Variants in RIN2 observed in about 807,000 individuals in gnomAD.
RIN2 encodes Ras and Rab interactor 2, also known as RAB5 interacting protein 2.
RIN2 carries 36 observed loss-of-function variants against 78.0 expected under a neutral mutation model. The observed-to-expected ratio is 0.46, with a 90% confidence interval of 0.35 to 0.61. The LOEUF is 0.61. Ranked by LOEUF, RIN2 falls within the 20% of genes least tolerant of loss-of-function variation. The pLI, the probability that RIN2 is intolerant of heterozygous loss-of-function variation, is 0.00. For synonymous variants in RIN2, 466 were observed against 466.8 expected, an observed-to-expected ratio of 1.00 and a Z score of 0.02; for missense variants, 1,087 against 1,159.7, an observed-to-expected ratio of 0.94 and a Z score of 0.91.
intron 4 of RIN2, chr20:19,935,684 T>C (rs1045097802): frequency 1.1e-5 from 10 of 918,376 alleles, no homozygotes; most frequent in African/African-American, 3.6e-5. Flanking sequence ...CTGGATGTGG[T>C]TGTAAATTCG....
intron 2 of RIN2, among the ~76,000 whole-genome samples, chr20:19,865,014 C>T (rs574639439): frequency 6.6e-6 from 1 of 152,184 alleles, no homozygotes; most frequent in African/African-American, 2.4e-5. Context: ...CCTGAAAAAC[C>T]TGAATTAGCT....
At chr20:19,768,235 GA>G (rs903111709) in intron 1 of RIN2, among the ~76,000 whole-genome samples, 15 of 152,246 alleles carry the variant, frequency 9.9e-5, no homozygotes, top group African/African-American at 3.4e-4. Context: ...CCTAGAAGCA[GA>G]CCCCGAGGTG....
At chr20:19,851,039 AAG>A (rs1568815004) in intron 2 of RIN2, among the ~76,000 whole-genome samples, 10 of 96,420 alleles carry the variant, frequency 1.0e-4, no homozygotes, top group African/African-American at 1.6e-4. Flanking sequence ...GGAAGGAAGG[AAG>A]GAAGGAAGGA....
chr20:19,830,193 T>C (rs1283598505), intron 2 of RIN2, among the ~76,000 whole-genome samples: 1 of 152,210 alleles, frequency 6.6e-6, no homozygotes, highest in Non-Finnish European at 1.5e-5. Flanking sequence ...ACCATTTGTT[T>C]TTTAGCCAAG....
intron 1 of RIN2, among the ~76,000 whole-genome samples, chr20:19,783,720 T>C (rs1026428367): frequency 6.6e-6 from 1 of 152,154 alleles, no homozygotes; most frequent in Non-Finnish European, 1.5e-5. Context: ...ATTTACCCCA[T>C]GGACAGCTAG....
intron 4 of RIN2, among the ~76,000 whole-genome samples, chr20:19,952,125 C>T (rs2041341146): frequency 6.6e-6 from 1 of 152,192 alleles, no homozygotes; most frequent in African/African-American, 2.4e-5. Flanking sequence ...GGGAGCTCAG[C>T]AGCGTGAATA....
intron 9 of RIN2, among the ~76,000 whole-genome samples, chr20:19,980,044 CAAA>C (rs56268489): frequency 1.1e-3 from 81 of 72,688 alleles, no homozygotes; most frequent in African/African-American, 4.1e-3. Context: ...AACTCCATCT[CAAA>C]AAAAAAAAAA....
At chr20:19,895,504 G>C (rs1475485311) in intron 3 of RIN2, among the ~76,000 whole-genome samples, 1 of 152,142 alleles carries the variant, frequency 6.6e-6, no homozygotes, top group Admixed American at 6.5e-5. Context: ...GGTGAGAGTT[G>C]AGAGTTGCTC....
At chr20:19,960,958 G>C in intron 6 of RIN2, 147 bp downstream of exon 6, 1 of 604,054 alleles carries the variant, frequency 1.7e-6, no homozygotes. Context: ...CCTACTCCAG[G>C]AGCCTCAGTT....
At chr20:19,907,373 G>A (rs1340954874) in intron 3 of RIN2, among the ~76,000 whole-genome samples, 2 of 152,190 alleles carry the variant, frequency 1.3e-5, no homozygotes, top group Non-Finnish European at 2.9e-5. Context: ...GTCTTGTGGA[G>A]GGGAGAGGCA....
chr20:19,891,647 C>T (rs1420516889), intron 3 of RIN2, among the ~76,000 whole-genome samples: 2 of 152,126 alleles, frequency 1.3e-5, no homozygotes, highest in African/African-American at 4.8e-5. Context: ...GGCGAAACCC[C>T]ATCTCTACTA....
Position 19,840,105 on chromosome 20 carries a change from T to C in RIN2, c.-37+40358T>C, listed in dbSNP as rs548438676. Reference sequence around the variant, plus strand: ...TCCAGCTTTATTGTATTCCCTACAATGAGTAGTTATTATTTCTATAATCAA... The same window carrying C: ...TCCAGCTTTATTGTATTCCCTACAACGAGTAGTTATTATTTCTATAATCAA... On this transcript the variant is annotated intron_variant, in intron 2 of 12. Coordinates refer to ENST00000255006, the MANE Select transcript of RIN2 (RefSeq NM_018993.4). Among the ~76,000 whole-genome samples, 13 of 152,354 alleles carry C rather than the reference T, an allele frequency of 8.5e-5. No individual in the cohort carries two copies. The East Asian group carries it at 2.5e-3, about 29-fold the overall frequency.
intron 2 of RIN2, among the ~76,000 whole-genome samples, chr20:19,830,862 A>G (rs920400428): frequency 6.6e-6 from 1 of 152,226 alleles, no homozygotes; most frequent in African/African-American, 2.4e-5. Flanking sequence ...GCGATGACTG[A>G]TGCTGGTGGG....
chr20:19,767,561 C>A (rs1164791969), intron 1 of RIN2, among the ~76,000 whole-genome samples: 1 of 152,124 alleles, frequency 6.6e-6, no homozygotes, highest in Non-Finnish European at 1.5e-5. Flanking sequence ...ATGACTTTTG[C>A]TTCTGAGGCC....
At chr20:19,967,296 G>T (rs1600980104) in intron 7 of RIN2, among the ~76,000 whole-genome samples, 1 of 152,152 alleles carries the variant, frequency 6.6e-6, no homozygotes, top group South Asian at 2.1e-4. Flanking sequence ...AGGTAGGAAG[G>T]CCAAGATTAA....
intron 1 of RIN2, among the ~76,000 whole-genome samples, chr20:19,799,044 C>T (rs7263637): frequency 0.05 from 7,602 of 152,080 alleles, 225 homozygotes; most frequent in Middle Eastern, 0.11. Flanking sequence ...GGACCATAGG[C>T]GTGTGTCGCT....
intron 2 of RIN2, among the ~76,000 whole-genome samples, chr20:19,825,460 C>G (rs1466586191): frequency 6.6e-6 from 1 of 152,188 alleles, no homozygotes; most frequent in Non-Finnish European, 1.5e-5. Flanking sequence ...TACTCCTCTC[C>G]CCTTCCCAGT....
chr20:19,853,525 C>T (rs2037061263), intron 2 of RIN2, among the ~76,000 whole-genome samples: 1 of 152,174 alleles, frequency 6.6e-6, no homozygotes, highest in African/African-American at 2.4e-5. Flanking sequence ...CCTGTTTCTC[C>T]ACATCCTCTC....
At chr20:19,832,335 C>G (rs949759652) in intron 2 of RIN2, among the ~76,000 whole-genome samples, 1 of 147,044 alleles carries the variant, frequency 6.8e-6, no homozygotes, top group African/African-American at 2.5e-5. Context: ...TTCCTCCCCA[C>G]TCTCCTTTAC....
Sources: gnomAD v4.1 joint callset for allele counts (sites outside exome capture counted in the v4.1 genomes callset) on GRCh38, gnomAD v4.1.1 for gene constraint, MANE v1.5 for transcripts, NCBI Gene and HGNC (gene_info 2026-07-23, HGNC 2026-07-21) for gene names.